COL21A1: variants seen among roughly 807,000 people sequenced by gnomAD.
COL21A1 encodes collagen type XXI alpha 1 chain, also known as collagen alpha-1(XXI) chain.
In COL21A1, 149 loss-of-function variants were observed where a neutral mutation model predicts 137.9. The observed-to-expected ratio is 1.08, with a 90% confidence interval of 0.95 to 1.24. The LOEUF (loss-of-function observed/expected upper bound fraction) is 1.24. Among genes scored for constraint, COL21A1 ranks in the 50% most tolerant of loss-of-function variants. COL21A1 has a pLI of 0.00. For synonymous variants in COL21A1, 456 were observed against 391.5 expected, an observed-to-expected ratio of 1.16 and a Z score of -1.95; for missense variants, 1,167 against 1,158.4, an observed-to-expected ratio of 1.01 and a Z score of -0.11.
At chr6:56,388,578 C>T (rs2143350) in intron 1 of COL21A1, among the ~76,000 whole-genome samples, 8,446 of 152,228 alleles carry the variant, frequency 0.055, 708 homozygotes, top group African/African-American at 0.18. Context: ...TCCTCTTCTG[C>T]CCCCAGTGCT....
intron 1 of COL21A1, among the ~76,000 whole-genome samples, chr6:56,277,986 CT>C (rs2152333510): frequency 6.6e-6 from 1 of 152,270 alleles, no homozygotes; most frequent in South Asian, 2.1e-4. Flanking sequence ...CCTGGAACAT[CT>C]TTCATTTGCT....
At chr6:56,387,972 C>T (rs2094021465) in intron 1 of COL21A1, among the ~76,000 whole-genome samples, 1 of 152,108 alleles carries the variant, frequency 6.6e-6, no homozygotes. Context: ...CATCCCGCCC[C>T]CAGCTCCAGG....
intron 1 of COL21A1, among the ~76,000 whole-genome samples, chr6:56,192,589 T>C (rs1778762091): frequency 6.6e-6 from 1 of 151,972 alleles, no homozygotes; most frequent in Non-Finnish European, 1.5e-5. Flanking sequence ...TGAAAAAAGC[T>C]CATCATTACT....
intron 1 of COL21A1, among the ~76,000 whole-genome samples, chr6:56,357,970 A>G (rs1267184118): frequency 6.6e-6 from 1 of 152,176 alleles, no homozygotes; most frequent in Non-Finnish European, 1.5e-5. Context: ...GAAATACCTC[A>G]ATTTCTTCGT....
intron 1 of COL21A1, among the ~76,000 whole-genome samples, chr6:56,346,220 A>G (rs1320485468): frequency 1.3e-5 from 2 of 152,210 alleles, no homozygotes; most frequent in South Asian, 2.1e-4. Context: ...CATTCACTCA[A>G]TAACTACACC....
intron 12 of COL21A1, among the ~76,000 whole-genome samples, chr6:56,129,501 G>C (rs574781958): frequency 6.6e-6 from 1 of 151,988 alleles, no homozygotes; most frequent in Admixed American, 6.6e-5. Flanking sequence ...TACTGCATTT[G>C]GTCTATTTGT....
At chr6:56,359,744 A>C (rs945434581) in intron 1 of COL21A1, among the ~76,000 whole-genome samples, 1 of 152,192 alleles carries the variant, frequency 6.6e-6, no homozygotes, top group African/African-American at 2.4e-5. Flanking sequence ...GCATTAAATT[A>C]AACTCAGTGG....
chr6:56,295,891 A>G (rs1764154573), intron 1 of COL21A1, among the ~76,000 whole-genome samples: 1 of 151,752 alleles, frequency 6.6e-6, no homozygotes, highest in Non-Finnish European at 1.5e-5. Context: ...AAACAATTTT[A>G]TTTCTTCCCT....
intron 12 of COL21A1, among the ~76,000 whole-genome samples, chr6:56,130,165 T>TTATA (rs201644225): frequency 0.024 from 2,587 of 105,794 alleles, 57 homozygotes; most frequent in Non-Finnish European, 0.029. Context: ...TGACAGGGTT[T>TTATA]TATATATATA....
intron 3 of COL21A1, among the ~76,000 whole-genome samples, chr6:56,176,622 A>T (rs1052278542): frequency 3.8e-4 from 55 of 146,046 alleles, no homozygotes; most frequent in African/African-American, 1.3e-3. Flanking sequence ...AGAAAGAGGA[A>T]GGAAAAGAGG....
chr6:56,289,849 A>G (rs771326565), intron 1 of COL21A1, among the ~76,000 whole-genome samples: 4 of 152,014 alleles, frequency 2.6e-5, no homozygotes, highest in South Asian at 2.1e-4. Context: ...TGAAAACGCT[A>G]TATAAACTGC....
chr6:56,245,924 T>C (rs1464249583), intron 1 of COL21A1, among the ~76,000 whole-genome samples: 1 of 152,236 alleles, frequency 6.6e-6, no homozygotes, highest in African/African-American at 2.4e-5. Flanking sequence ...GTTAGCCCTG[T>C]GTTCATTGCA....
intron 9 of COL21A1, among the ~76,000 whole-genome samples, chr6:56,163,893 T>C (rs1189172685): frequency 6.7e-6 from 1 of 149,466 alleles, no homozygotes; most frequent in Non-Finnish European, 1.5e-5. Context: ...TATATAGAAA[T>C]ATGGAAATGA....
chr6:56,304,517 C>T (rs1240715162), intron 1 of COL21A1, among the ~76,000 whole-genome samples: 4 of 152,290 alleles, frequency 2.6e-5, no homozygotes, highest in South Asian at 2.1e-4. Flanking sequence ...AGTTTATTTG[C>T]GTAGAGGTGT....
In COL21A1 at chr6:56,259,938, C is replaced by T. The variant is rs147003671; in HGVS notation, c.-38-77282G>A. ...GCTTTCTATGCTGTAATATGATATC[C>T]CGGAGTCATTCTGGGCATTTTCAGA... On this transcript the variant is annotated intron_variant, in intron 1 of 28. Transcript: ENST00000370819. Among the ~76,000 whole-genome samples the T allele has an allele frequency of 1.8e-3, 281 of 152,242 alleles. 1 individual carries two copies. The highest frequency in any genetic ancestry group is 6.6e-3 in the African/African-American group (276 of 41,532).
chr6:56,215,215 C>T (rs2152308798), intron 1 of COL21A1, among the ~76,000 whole-genome samples: 1 of 152,140 alleles, frequency 6.6e-6, no homozygotes, highest in South Asian at 2.1e-4. Flanking sequence ...ATTTTCTCAC[C>T]TCCTGCTAAA....
Position 56,161,368 on chromosome 6 carries a change from G to T in COL21A1, c.1371+3055C>A, listed in dbSNP as rs145026319. ...TCCTCTGGCTACTGAAGCAGGGGAAGAAGCTGTTATTTGCATGCACGGGTC... is the reference window on the plus strand; with the variant it reads ...TCCTCTGGCTACTGAAGCAGGGGAATAAGCTGTTATTTGCATGCACGGGTC... On this transcript the variant is annotated intron_variant, in intron 9 of 29. Coordinates refer to ENST00000244728, the MANE Select transcript of COL21A1 (RefSeq NM_030820.4). 4.6e-3 allele frequency among the ~76,000 whole-genome samples: 697 copies of T among 152,300 alleles called. 10 individuals carry two copies. Among genetic ancestry groups the T allele is most frequent in the African/African-American group, 0.016 (669 of 41,568 alleles).
intron 17 of COL21A1, 94 bp downstream of exon 17, chr6:56,101,378 T>G: frequency 1.1e-6 from 1 of 893,726 alleles, no homozygotes; most frequent in Non-Finnish European, 1.8e-6. Flanking sequence ...GAACAAATAA[T>G]AGGGCATCTG....
chr6:56,223,669 G>A (rs189016275), intron 1 of COL21A1, among the ~76,000 whole-genome samples: 1 of 152,066 alleles, frequency 6.6e-6, no homozygotes, highest in African/African-American at 2.4e-5. Context: ...AAAATTGTAA[G>A]CAATGTAGAA....
Sources: gnomAD v4.1 joint callset for allele counts (sites outside exome capture counted in the v4.1 genomes callset) on GRCh38, gnomAD v4.1.1 for gene constraint, MANE v1.5 for transcripts, NCBI Gene and HGNC (gene_info 2026-07-23, HGNC 2026-07-21) for gene names.